The following NDC80 variants were observed in gnomAD, a reference collection of about 807,000 sequenced individuals.
NDC80 encodes the protein kinetochore protein NDC80 homolog.
A neutral mutation model predicts 89.3 loss-of-function variants in NDC80; 69 were observed. The ratio of observed to expected loss-of-function variants is 0.77; its 90% CI spans 0.64 to 0.94. The LOEUF (loss-of-function observed/expected upper bound fraction) is 0.94. Among genes scored for constraint, NDC80 ranks in the 40% least tolerant of loss-of-function variants. The pLI is 0.00. For missense variants in NDC80, 593 were observed against 739.6 expected (o/e 0.80, Z 2.30); for synonymous variants, 243 against 255.6 (o/e 0.95, Z 0.47).
At chr18:2,602,382 G>A (rs1378376623) in intron 13 of NDC80, among the ~76,000 whole-genome samples, 2 of 152,014 alleles carry the variant, frequency 1.3e-5, no homozygotes, top group Admixed American at 1.3e-4. Context: ...TGTAACATTA[G>A]ATAAGTGAAG....
Position 2,572,828 on chromosome 18 carries a change from A to G in NDC80, c.-9-149A>G, listed in dbSNP as rs16943476. 2,580 of 612,484 alleles carry G rather than the reference A, an allele frequency of 4.2e-3. 51 individuals are homozygous for G. Among genetic ancestry groups the G allele is most frequent in the African/African-American group, 0.04 (2,142 of 54,170 alleles). The allele number at this position is 612,484 out of a possible 1,614,324, so 37.9% of individuals were successfully genotyped here. A position where few individuals can be genotyped will look rare whatever the true frequency, so the allele number is the denominator to read the frequency against. On this transcript the variant is annotated intron_variant, in intron 1 of 16. Coordinates refer to ENST00000261597, the MANE Select transcript of NDC80 (RefSeq NM_006101.3). The stretch of plus-strand genomic sequence containing the variant: ...CTTGCAAATGAGAACTTCAGTGTAC[A>G]TGAACAAAAAAGAGATACCCCAGGG...
intron 6 of NDC80, among the ~76,000 whole-genome samples, chr18:2,581,098 G>A (rs1330006172): frequency 6.6e-6 from 1 of 151,982 alleles, no homozygotes; most frequent in South Asian, 2.1e-4. Context: ...TGCATGATGT[G>A]ATGTATTAAT....
intron 7 of NDC80, among the ~76,000 whole-genome samples, chr18:2,585,946 G>T (rs2072601080): frequency 6.6e-6 from 1 of 152,048 alleles, no homozygotes; most frequent in South Asian, 2.1e-4. Context: ...TGGATAGGTT[G>T]TTTATTTTGT....
intron 7 of NDC80, 45 bp from the exon 8 acceptor site, chr18:2,587,785 A>G (rs1208500397): frequency 1.4e-6 from 2 of 1,479,296 alleles, no homozygotes; most frequent in South Asian, 1.1e-5. Flanking sequence ...AACAGACCAA[A>G]TAGAGAATCA....
At chr18:2,597,786 G>A (rs759341482) in intron 11 of NDC80, among the ~76,000 whole-genome samples, 2 of 152,102 alleles carry the variant, frequency 1.3e-5, no homozygotes, top group Non-Finnish European at 2.9e-5. Context: ...GGTAGATTCT[G>A]ACAACTTAGA....
At position 2,573,047 on chromosome 18, in the gene NDC80, C is replaced by T. The variant is rs2072526385; in HGVS notation, c.62C>T (p.Ser21Phe). 2 of 1,614,020 alleles carry T rather than the reference C, an allele frequency of 1.2e-6. No individual in the cohort carries two copies. Among genetic ancestry groups the T allele is most frequent in the Non-Finnish European group, 8.5e-7 (1 of 1,179,950 alleles). The change falls in exon 2 of 17, where the codon TCC becomes TTC. Residue 21 changes from serine to phenylalanine, a missense_variant. Ser to Phe is a radical substitution (Grantham distance 155). Transcript: ENST00000261597. ...AGRLSMQELR[S>F]QDVNKQGLYT... ...CGCCTCTCCATGCAGGAGTTAAGAT[C>T]CCAGGATGTAAATAAACAAGGCCTC...
intron 13 of NDC80, among the ~76,000 whole-genome samples, chr18:2,604,157 A>T (rs1304806935): frequency 6.6e-6 from 1 of 151,880 alleles, no homozygotes; most frequent in Non-Finnish European, 1.5e-5. Flanking sequence ...CTTCATTTTA[A>T]GTGGGAAGAT....
In NDC80 at chr18:2,614,649, G is replaced by GAAAGAAAGAAAGAAAGAA. The variant is rs1568016554; in HGVS notation, c.1792-1781_1792-1780insGAAAGAAAGAAAAAGAAA. Reference sequence around the variant, plus strand: ...AGAAAGAAAGAAAGAAAGAAAGAAAGAAAGAAATAAATTTGGCAATCCGAA... The same window carrying GAAAGAAAGAAAGAAAGAA: ...AGAAAGAAAGAAAGAAAGAAAGAAAGAAAGAAAGAAAGAAAGAAAAAGAAATAAATTTGGCAATCCGAA... On this transcript the variant is annotated intron_variant, in intron 16 of 16. Coordinates refer to ENST00000261597, the MANE Select transcript of NDC80 (RefSeq NM_006101.3). Among the ~76,000 whole-genome samples, 2 of 90,976 alleles carry GAAAGAAAGAAAGAAAGAA rather than the reference G, an allele frequency of 2.2e-5. 1 individual carries two copies. The highest frequency in any genetic ancestry group is 4.9e-5 in the Non-Finnish European group (2 of 40,776). The allele number at this position is 90,976 out of a possible 152,430, so 59.7% of individuals were successfully genotyped here.
At position 2,599,157 on chromosome 18, in the gene NDC80, A is replaced by C; in HGVS notation, c.1360A>C (p.Arg454=). The C allele has an allele frequency of 6.2e-7, 1 of 1,609,376 alleles. No individual in the cohort carries two copies. The highest frequency in any genetic ancestry group is 2.2e-5 in the East Asian group (1 of 44,784). The change falls in exon 12 of 17, where the codon AGG becomes CGG. Residue 454 remains arginine, a synonymous_variant. Coordinates refer to ENST00000261597, the MANE Select transcript of NDC80 (RefSeq NM_006101.3). ...EAGANCLVKY[R]AQVYVPLKEL... ...TGGTGCCAACTGCCTTGTCAAATAC[A>C]GGGCTCAAGTTTATGTAAGTAATCA...
intron 16 of NDC80, among the ~76,000 whole-genome samples, 183 bp downstream of exon 16, chr18:2,611,044 CA>C (rs1333347099): frequency 1.3e-3 from 149 of 117,356 alleles, no homozygotes; most frequent in African/African-American, 4.6e-3. Context: ...AACACTTGAG[CA>C]TTTTTTTTTT....
intron 5 of NDC80, 131 bp from the exon 6 acceptor site, chr18:2,578,794 CAT>C (rs1260516798): frequency 2.3e-6 from 1 of 437,492 alleles, no homozygotes; most frequent in African/African-American, 2.0e-5. Flanking sequence ...AGAATCCTAA[CAT>C]ATCTTACCTC....
intron 3 of NDC80, among the ~76,000 whole-genome samples, chr18:2,576,501 T>C (rs545986422): frequency 7.6e-4 from 115 of 152,274 alleles, no homozygotes; most frequent in African/African-American, 2.6e-3. Flanking sequence ...ACTGTACACT[T>C]GAGAGATTGA....
At chr18:2,574,849 T>C in intron 2 of NDC80, 140 bp from the exon 3 acceptor site, 2 of 619,440 alleles carry the variant, frequency 3.2e-6, no homozygotes, top group Non-Finnish European at 5.7e-6. Context: ...ACAGCTTTCA[T>C]GACTGCTAAA....
chr18:2,590,092 C>T lies in NDC80; in HGVS notation c.945C>T (p.Ser315=). 1.2e-6 allele frequency: 2 copies of T among 1,612,156 alleles called. No individual in the cohort carries two copies. The highest frequency in any genetic ancestry group is 1.7e-6 in the Non-Finnish European group (2 of 1,179,030). Residue 315 remains serine, a synonymous_variant, in exon 10 of 17, where the codon AGC becomes AGT. Coordinates refer to ENST00000261597, the MANE Select transcript of NDC80 (RefSeq NM_006101.3). The part of the protein sequence containing the change: ...GDVQKYQAYM[S]NLESHSAILD... ...TTCAAAAGTATCAGGCATACATGAG[C>T]AATTTGGAGTCTCATTCAGCCATTC...
intron 3 of NDC80, among the ~76,000 whole-genome samples, chr18:2,576,129 AT>A (rs1293003509): frequency 1.3e-5 from 2 of 152,204 alleles, no homozygotes; most frequent in Non-Finnish European, 2.9e-5. Context: ...AGGAAACATT[AT>A]CTAGTCCAAC....
chr18:2,586,131 T>A (rs2072601874), intron 7 of NDC80, among the ~76,000 whole-genome samples: 1 of 152,240 alleles, frequency 6.6e-6, no homozygotes, highest in Non-Finnish European at 1.5e-5. Flanking sequence ...ATTCTAACCT[T>A]CATTCTTTGA....
At chr18:2,580,614 C>T (rs2072571789) in intron 6 of NDC80, among the ~76,000 whole-genome samples, 1 of 151,504 alleles carries the variant, frequency 6.6e-6, no homozygotes, top group Admixed American at 6.6e-5. Flanking sequence ...TGCCATAGCC[C>T]ATTAATAAAA....
At position 2,575,030 on chromosome 18, in the gene NDC80, C is replaced by T. The variant is rs766519914; in HGVS notation, c.143C>T (p.Pro48Leu). Reference protein sequence around the residue: ...PTFGKLSINKPTSERKVSLFG... With the variant: ...PTFGKLSINKLTSERKVSLFG... ...TTTGGAAAGTTGAGTATAAACAAACCGACATCTGAAAGAAAAGTCTCGCTA... is the reference window on the plus strand; with the variant it reads ...TTTGGAAAGTTGAGTATAAACAAACTGACATCTGAAAGAAAAGTCTCGCTA... Residue 48 changes from proline to leucine, a missense_variant, in exon 3 of 17, where the codon CCG (proline) becomes CTG (leucine). Physicochemically the swap from Pro to Leu is moderately conservative, Grantham distance 98. Coordinates refer to ENST00000261597, the MANE Select transcript of NDC80 (RefSeq NM_006101.3). 15 of 1,611,164 alleles carry T rather than the reference C, an allele frequency of 9.3e-6. No individual in the cohort carries two copies. In the South Asian group the frequency reaches 1.1e-4, roughly 12 times the overall value.
At chr18:2,577,427 G>GGCT (rs972540528) in intron 3 of NDC80, 1 of 210,300 alleles carries the variant, frequency 4.8e-6, no homozygotes, top group African/African-American at 2.3e-5. Flanking sequence ...ATCTTGGCCA[G>GGCT]GCTGGTCTTG....
Sources: allele counts gnomAD v4.1 joint callset (sites outside exome capture counted in the v4.1 genomes callset), GRCh38; gene constraint gnomAD v4.1.1; transcripts MANE v1.5; gene names NCBI Gene and HGNC (gene_info 2026-07-23, HGNC 2026-07-21).